The following RUNDC3B variants were observed in gnomAD, a reference collection of about 807,000 sequenced individuals.
RUNDC3B encodes RUN domain containing 3B, also known as RUN domain-containing protein 3B.
Under a neutral mutation model 58.4 loss-of-function variants are expected in RUNDC3B, and 33 were observed. The ratio of observed to expected loss-of-function variants is 0.56; its 90% CI spans 0.43 to 0.75. RUNDC3B has a LOEUF of 0.75. RUNDC3B is among the 30% of genes least tolerant of loss of function. RUNDC3B has a pLI of 0.00. For missense variants in RUNDC3B, 501 were observed against 535.7 expected (o/e 0.94, Z 0.64); for synonymous variants, 193 against 195.2 (o/e 0.99, Z 0.10).
chr7:87,792,239 GAGAT>G (rs1020325719), intron 8 of RUNDC3B, among the ~76,000 whole-genome samples: 1 of 152,106 alleles, frequency 6.6e-6, no homozygotes, highest in Non-Finnish European at 1.5e-5. Context: ...GCTAAACAGA[GAGAT>G]AGATCTGAAT....
intron 10 of RUNDC3B, among the ~76,000 whole-genome samples, chr7:87,823,791 T>TAC (rs113441553): frequency 0.046 from 6,641 of 143,802 alleles, 206 homozygotes; most frequent in Admixed American, 0.091. Flanking sequence ...TTCATATATA[T>TAC]ACACACACAC....
At chr7:87,668,057 A>G (rs1182003460) in intron 2 of RUNDC3B, among the ~76,000 whole-genome samples, 1 of 151,292 alleles carries the variant, frequency 6.6e-6, no homozygotes, top group Non-Finnish European at 1.5e-5. Context: ...TTCAGTAGAA[A>G]TGGTACCAGC....
chr7:87,706,331 A>G (rs1488715244), intron 3 of RUNDC3B, among the ~76,000 whole-genome samples: 15 of 152,016 alleles, frequency 9.9e-5, no homozygotes, highest in Non-Finnish European at 2.9e-5. Flanking sequence ...TTTCCATTTT[A>G]TAAGATCAGC....
At chr7:87,630,254 A>G (rs1233028262) in intron 1 of RUNDC3B, among the ~76,000 whole-genome samples, 1 of 152,214 alleles carries the variant, frequency 6.6e-6, no homozygotes. Flanking sequence ...TAATTATTCC[A>G]GGACTTAAAT....
At chr7:87,731,729 T>C (rs111306250) in intron 4 of RUNDC3B, among the ~76,000 whole-genome samples, 3,777 of 152,248 alleles carry the variant, frequency 0.025, 148 homozygotes, top group African/African-American at 0.085. Flanking sequence ...CAATTGTAAA[T>C]ACATGTGCAC....
intron 3 of RUNDC3B, among the ~76,000 whole-genome samples, chr7:87,707,205 C>T (rs1014156420): frequency 6.6e-6 from 1 of 151,958 alleles, no homozygotes; most frequent in African/African-American, 2.4e-5. Context: ...TCATCAGGCA[C>T]ATCAAGAAAC....
intron 1 of RUNDC3B, among the ~76,000 whole-genome samples, chr7:87,637,465 TTTTA>T (rs1379726031): frequency 2.6e-5 from 4 of 152,204 alleles, no homozygotes; most frequent in Non-Finnish European, 4.4e-5. Flanking sequence ...TTTCTGGGAT[TTTTA>T]TTAAGCTTGC....
intron 7 of RUNDC3B, among the ~76,000 whole-genome samples, chr7:87,771,113 C>A (rs556710079): frequency 6.6e-6 from 1 of 152,104 alleles, no homozygotes; most frequent in Non-Finnish European, 1.5e-5. Flanking sequence ...TTTAGCAGCT[C>A]TTGTGTGTTA....
intron 3 of RUNDC3B, among the ~76,000 whole-genome samples, chr7:87,707,697 A>T (rs552731716): frequency 5.3e-5 from 8 of 151,858 alleles, no homozygotes; most frequent in African/African-American, 1.7e-4. Context: ...ATAAATAAAT[A>T]AAATAAAATA....
chr7:87,694,844 T>C (rs1180619107), intron 2 of RUNDC3B, among the ~76,000 whole-genome samples: 2 of 152,204 alleles, frequency 1.3e-5, no homozygotes, highest in Non-Finnish European at 2.9e-5. Flanking sequence ...AATATTCAGA[T>C]TTTTGCTGAA....
intron 2 of RUNDC3B, among the ~76,000 whole-genome samples, chr7:87,664,948 T>G (rs977486888): frequency 1.3e-5 from 2 of 152,104 alleles, no homozygotes; most frequent in Non-Finnish European, 2.9e-5. Context: ...AGAAGTAATG[T>G]ACCTCAACAT....
chr7:87,824,159 G>C (rs192312704), intron 10 of RUNDC3B, among the ~76,000 whole-genome samples: 8 of 152,168 alleles, frequency 5.3e-5, no homozygotes, highest in Non-Finnish European at 1.2e-4. Flanking sequence ...CCTCCAACAA[G>C]CAATTAGTCA....
At position 87,651,212 on chromosome 7, in the gene RUNDC3B, G is replaced by A. The variant is rs187710075; in HGVS notation, c.238+275G>A. On this transcript the variant is annotated intron_variant, in intron 2 of 10. Transcript: ENST00000394654. ...ATAAAAGCTTAAATTGAAAGGAAGC[G>A]CATCCCAAAGGTTACTAGATGGTGT... Among the ~76,000 whole-genome samples, 92 of 152,186 alleles carry A rather than the reference G, an allele frequency of 6.0e-4. No homozygotes were observed. The East Asian group carries it at 0.014, about 24-fold the overall frequency.
intron 2 of RUNDC3B, among the ~76,000 whole-genome samples, chr7:87,663,083 T>C (rs541173195): frequency 9.2e-5 from 14 of 152,304 alleles, no homozygotes; most frequent in South Asian, 4.1e-4. Flanking sequence ...TTTTTGTATG[T>C]TGATTTTGTA....
At chr7:87,662,409 A>G (rs1050222654) in intron 2 of RUNDC3B, among the ~76,000 whole-genome samples, 3 of 152,208 alleles carry the variant, frequency 2.0e-5, no homozygotes, top group Admixed American at 6.5e-5. Flanking sequence ...TATTTAATCC[A>G]TTTTGATTTG....
Position 87,684,746 on chromosome 7 carries a change from C to CAAAAAAA in RUNDC3B, c.239-15654_239-15648dup, listed in dbSNP as rs71524694. ...CTGGTGACAGAGTGAGACTCCGTCT[C>CAAAAAAA]AAAAAAAAAAAAAAAAAAAAAAAAA... On this transcript the variant is annotated intron_variant, in intron 2 of 10. Coordinates refer to ENST00000394654, the MANE Select transcript of RUNDC3B (RefSeq NM_001134405.2). Among the ~76,000 whole-genome samples the CAAAAAAA allele has an allele frequency of 7.7e-4, 29 of 37,792 alleles. 2 individuals are homozygous for CAAAAAAA. Among genetic ancestry groups the CAAAAAAA allele is most frequent in the East Asian group, 2.5e-3 (3 of 1,186 alleles). 24.8% of individuals were successfully genotyped at this position (37,792 alleles called of 152,430 possible).
chr7:87,732,810 T>C (rs1831667596), intron 4 of RUNDC3B, among the ~76,000 whole-genome samples: 1 of 152,194 alleles, frequency 6.6e-6, no homozygotes, highest in African/African-American at 2.4e-5. Context: ...ATAACATTTG[T>C]ATGTAGAAGT....
At chr7:87,736,310 A>G (rs1252304062) in intron 4 of RUNDC3B, among the ~76,000 whole-genome samples, 1 of 152,188 alleles carries the variant, frequency 6.6e-6, no homozygotes, top group Non-Finnish European at 1.5e-5. Flanking sequence ...GATAGTATCA[A>G]CATAATTTAT....
chr7:87,683,213 GA>G (rs1313335017), intron 2 of RUNDC3B, among the ~76,000 whole-genome samples: 1 of 152,176 alleles, frequency 6.6e-6, no homozygotes, highest in Non-Finnish European at 1.5e-5. Context: ...TGGCTTAAGA[GA>G]ATGTTGTGGC....
Sources: allele counts gnomAD v4.1 joint callset (sites outside exome capture counted in the v4.1 genomes callset), GRCh38; gene constraint gnomAD v4.1.1; transcripts MANE v1.5; gene names NCBI Gene and HGNC (gene_info 2026-07-23, HGNC 2026-07-21).